Variants in MIPOL1 observed in about 807,000 individuals in gnomAD.
The protein encoded by MIPOL1 is mirror-image polydactyly 1, also known as mirror-image polydactyly gene 1 protein.
MIPOL1 carries 57 observed loss-of-function variants against 60.9 expected under a neutral mutation model. The observed-to-expected ratio is 0.94, with a 90% confidence interval of 0.76 to 1.17. MIPOL1 has a LOEUF of 1.17. Among genes scored for constraint, MIPOL1 ranks in the 50% most tolerant of loss-of-function variants. The pLI is 0.00. For missense variants in MIPOL1, 551 were observed against 511.6 expected, an observed-to-expected ratio of 1.08 and a Z score of -0.74; for synonymous variants, 179 against 168.8, an observed-to-expected ratio of 1.06 and a Z score of -0.47.
At chr14:37,478,019 T>C (rs1482502178) in intron 11 of MIPOL1, among the ~76,000 whole-genome samples, 1 of 152,234 alleles carries the variant, frequency 6.6e-6, no homozygotes, top group Non-Finnish European at 1.5e-5. Flanking sequence ...CGTTTATGTT[T>C]ATCTGTAGCT....
chr14:37,285,503 T>G (rs2153410548), intron 7 of MIPOL1, 56 bp downstream of exon 7: 2 of 1,549,924 alleles, frequency 1.3e-6, no homozygotes, highest in South Asian at 1.2e-5. Flanking sequence ...AAAGGCATGC[T>G]TTAGGTGGTA....
intron 10 of MIPOL1, among the ~76,000 whole-genome samples, chr14:37,370,253 T>C (rs1157789690): frequency 6.6e-6 from 1 of 152,210 alleles, no homozygotes. Context: ...CTACTAATTG[T>C]ATTTTTTTCT....
At chr14:37,347,728 C>T (rs1283997133) in intron 9 of MIPOL1, among the ~76,000 whole-genome samples, 1 of 152,038 alleles carries the variant, frequency 6.6e-6, no homozygotes, top group African/African-American at 2.4e-5. Context: ...TACTGTGAAA[C>T]TCATAGTGAC....
At position 37,549,266 on chromosome 14, in the gene MIPOL1, T is replaced by C. The variant is rs1457865276; in HGVS notation, c.*2295T>C. On this transcript the variant is annotated 3_prime_UTR_variant, in exon 13 of 13. Transcript: ENST00000684589. Reference sequence around the variant, plus strand: ...TAGTAACATGAGAATTCACTTCTTCTTGTAAAAATAAGTAATTTACAGGAA... The same window carrying C: ...TAGTAACATGAGAATTCACTTCTTCCTGTAAAAATAAGTAATTTACAGGAA... 6.6e-6 allele frequency: 1 copy of C among 151,920 alleles called. No individual in the cohort carries two copies. The highest frequency in any genetic ancestry group is 1.9e-4 in the East Asian group (1 of 5,194). The allele number at this position is 151,920 out of a possible 1,614,324, so 9.4% of individuals were successfully genotyped here.
At chr14:37,450,541 T>G (rs978408171) in intron 11 of MIPOL1, among the ~76,000 whole-genome samples, 1 of 152,152 alleles carries the variant, frequency 6.6e-6, no homozygotes, top group Non-Finnish European at 1.5e-5. Flanking sequence ...TTTTTCATTT[T>G]TGTATTCTGA....
At chr14:37,353,885 G>GT (rs2091599844) in intron 9 of MIPOL1, among the ~76,000 whole-genome samples, 1 of 152,034 alleles carries the variant, frequency 6.6e-6, no homozygotes, top group Admixed American at 6.5e-5. Flanking sequence ...TTTTTGAATG[G>GT]TTTTTTGTGT....
intron 11 of MIPOL1, among the ~76,000 whole-genome samples, chr14:37,468,718 A>T (rs1219052254): frequency 6.6e-6 from 1 of 152,158 alleles, no homozygotes; most frequent in Non-Finnish European, 1.5e-5. Context: ...CATGGGGTTT[A>T]CTCTTTATCC....
At chr14:37,433,996 T>C (rs1049677855) in intron 11 of MIPOL1, among the ~76,000 whole-genome samples, 2 of 152,198 alleles carry the variant, frequency 1.3e-5, no homozygotes, top group African/African-American at 2.4e-5. Flanking sequence ...TAAACATACG[T>C]GTGCATGTGT....
chr14:37,363,482 T>C (rs899750889), intron 9 of MIPOL1, among the ~76,000 whole-genome samples: 5 of 152,320 alleles, frequency 3.3e-5, no homozygotes, highest in Non-Finnish European at 5.9e-5. Flanking sequence ...CAAATATTGC[T>C]GTCTGTTCCT....
intron 11 of MIPOL1, among the ~76,000 whole-genome samples, chr14:37,497,525 T>C (rs1410618610): frequency 6.6e-6 from 1 of 152,168 alleles, no homozygotes; most frequent in East Asian, 1.9e-4. Context: ...TTATTTAAAT[T>C]GAGAACTTAC....
At chr14:37,464,175 A>G (rs769910858) in intron 11 of MIPOL1, among the ~76,000 whole-genome samples, 12 of 152,202 alleles carry the variant, frequency 7.9e-5, no homozygotes, top group African/African-American at 2.2e-4. Flanking sequence ...AATTAGTACA[A>G]CCTCTATGGA....
chr14:37,295,007 T>A lies in MIPOL1; in HGVS notation c.623+9560T>A, dbSNP rs905543259. On this transcript the variant is annotated intron_variant, in intron 7 of 12. Coordinates refer to ENST00000684589, the MANE Select transcript of MIPOL1 (RefSeq NM_001388067.1). ...AACTCCAAGACACGTAATTGTCAGATTCACCAAAGTTGAAATGAAGGAAAA... is the reference window on the plus strand; with the variant it reads ...AACTCCAAGACACGTAATTGTCAGAATCACCAAAGTTGAAATGAAGGAAAA... Among the ~76,000 whole-genome samples, 3 of 152,224 alleles carry A rather than the reference T, an allele frequency of 2.0e-5. No individual in the cohort carries two copies. In the East Asian group the frequency reaches 5.8e-4, roughly 30 times the overall value.
chr14:37,427,912 T>A (rs2093992917), intron 11 of MIPOL1, among the ~76,000 whole-genome samples: 1 of 152,168 alleles, frequency 6.6e-6, no homozygotes, highest in East Asian at 1.9e-4. Context: ...TGAAGGAACC[T>A]AAAACTAACT....
At chr14:37,538,208 G>T (rs2095514760) in intron 12 of MIPOL1, among the ~76,000 whole-genome samples, 1 of 152,160 alleles carries the variant, frequency 6.6e-6, no homozygotes, top group South Asian at 2.1e-4. Flanking sequence ...AGGTAAGGAA[G>T]AATAATGAAC....
intron 11 of MIPOL1, among the ~76,000 whole-genome samples, chr14:37,481,447 C>T (rs1398424978): frequency 6.6e-6 from 1 of 151,630 alleles, no homozygotes; most frequent in Non-Finnish European, 1.5e-5. Flanking sequence ...AATGTCACAC[C>T]AAATGATCTA....
chr14:37,525,174 C>T (rs999052749), intron 12 of MIPOL1, among the ~76,000 whole-genome samples: 2 of 152,144 alleles, frequency 1.3e-5, no homozygotes, highest in Non-Finnish European at 2.9e-5. Flanking sequence ...ATGCACCAAG[C>T]ACTGAGGCAA....
At chr14:37,274,333 C>G (rs959290125) in intron 6 of MIPOL1, among the ~76,000 whole-genome samples, 1 of 151,446 alleles carries the variant, frequency 6.6e-6, no homozygotes, top group Non-Finnish European at 1.5e-5. Flanking sequence ...AAACTCAGCT[C>G]TGTCCCCTAT....
chr14:37,367,271 G>T (rs1464234433), intron 9 of MIPOL1, among the ~76,000 whole-genome samples: 1 of 151,986 alleles, frequency 6.6e-6, no homozygotes, highest in Non-Finnish European at 1.5e-5. Context: ...CAATTGTGGG[G>T]AATGTGTTAG....
chr14:37,207,324 A>C (rs976442687), intron 1 of MIPOL1, among the ~76,000 whole-genome samples: 1 of 151,894 alleles, frequency 6.6e-6, no homozygotes, highest in African/African-American at 2.4e-5. Flanking sequence ...TGTGCCTTTT[A>C]CCTTCCATGA....
Sources: gnomAD v4.1 joint callset for allele counts (sites outside exome capture counted in the v4.1 genomes callset) on GRCh38, gnomAD v4.1.1 for gene constraint, MANE v1.5 for transcripts, NCBI Gene and HGNC (gene_info 2026-07-23, HGNC 2026-07-21) for gene names.